SLC25A18: variants seen among roughly 807,000 people sequenced by gnomAD.
SLC25A18 encodes the protein solute carrier family 25 member 18, also known as mitochondrial glutamate carrier 2.
A neutral mutation model predicts 31.1 loss-of-function variants in SLC25A18; 24 were observed. The observed-to-expected ratio is 0.77, with a 90% CI of 0.56 to 1.08. The LOEUF is 1.08. SLC25A18 is among the 50% of genes least tolerant of loss of function. The pLI is 0.00. For missense variants in SLC25A18, 371 were observed against 418.5 expected (o/e 0.89, Z 0.99); for synonymous variants, 173 against 161.9 (o/e 1.07, Z -0.52).
intron 2 of SLC25A18, among the ~76,000 whole-genome samples, chr22:17,578,964 A>G (rs1323868381): frequency 6.6e-6 from 1 of 152,218 alleles, no homozygotes; most frequent in Non-Finnish European, 1.5e-5. Flanking sequence ...CTTGTCAATT[A>G]GGAATATAAT....
At chr22:17,566,576 T>C (rs2056943024) in intron 1 of SLC25A18, among the ~76,000 whole-genome samples, 1 of 151,964 alleles carries the variant, frequency 6.6e-6, no homozygotes, top group Non-Finnish European at 1.5e-5. Context: ...CCATGCCCAG[T>C]TAATTTTGTA....
At chr22:17,587,010 G>T in intron 7 of SLC25A18, 126 bp from the exon 8 acceptor site, 3 of 1,056,354 alleles carry the variant, frequency 2.8e-6, no homozygotes, top group Non-Finnish European at 4.1e-6. Flanking sequence ...CATTCTTCTG[G>T]ATGCCAGCTG....
intron 1 of SLC25A18, among the ~76,000 whole-genome samples, chr22:17,564,988 G>C (rs192554479): frequency 6.6e-6 from 1 of 152,088 alleles, no homozygotes; most frequent in Admixed American, 6.5e-5. Flanking sequence ...TGGGTGGATC[G>C]CTTGAGCCCA....
chr22:17,589,499 G>A (rs2057654887), intron 9 of SLC25A18, 91 bp from the exon 10 acceptor site: 1 of 1,141,488 alleles, frequency 8.8e-7, no homozygotes, highest in East Asian at 2.6e-5. Context: ...TATATGTGGT[G>A]GCTCTACAGG....
rs992070197 is a variant in SLC25A18 at position 17,563,557 on chromosome 22, G to T, written c.-420G>T. 2 of 513,268 alleles carry T rather than the reference G, an allele frequency of 3.9e-6. No individual in the cohort carries two copies. Among genetic ancestry groups the T allele is most frequent in the African/African-American group, 4.2e-5 (2 of 48,080 alleles). The allele number at this position is 513,268 out of a possible 1,614,324, so 31.8% of individuals were successfully genotyped here. On this transcript the variant is annotated 5_prime_UTR_variant, in exon 1 of 11. Transcript: ENST00000327451. ...TATTCTAGCCAGTTAAAGCTGGACA[G>T]AATTTTTAAAAGCAATGAAGCCAGT... is the stretch of plus-strand genomic sequence containing the variant.
At position 17,566,525 on chromosome 22, in the gene SLC25A18, G is replaced by A. The variant is rs1218294291; in HGVS notation, c.-264+2812G>A. On this transcript the variant is annotated intron_variant, in intron 1 of 10. Transcript: ENST00000327451. The stretch of plus-strand genomic sequence containing the variant: ...CCTCACGGGTTCAAGCGGTTCTCCC[G>A]CTTAAGCCTTCCAAATAGCTGGGAT... 5.3e-5 allele frequency among the ~76,000 whole-genome samples: 8 copies of A among 151,870 alleles called. No individual in the cohort carries two copies. The South Asian group carries it at 6.2e-4, about 12-fold the overall frequency.
intron 2 of SLC25A18, among the ~76,000 whole-genome samples, chr22:17,579,210 C>T (rs57334802): frequency 0.086 from 13,113 of 151,904 alleles, 1,391 homozygotes; most frequent in African/African-American, 0.25. Flanking sequence ...TACCTCAGCC[C>T]CCCAGGTAGC....
At chr22:17,575,462 T>C (rs1470952740) in intron 2 of SLC25A18, among the ~76,000 whole-genome samples, 1 of 152,132 alleles carries the variant, frequency 6.6e-6, no homozygotes, top group Admixed American at 6.5e-5. Context: ...CGGGTCTGCT[T>C]TATTTATCTC....
chr22:17,578,994 A>G (rs2057301960), intron 2 of SLC25A18, among the ~76,000 whole-genome samples: 1 of 152,244 alleles, frequency 6.6e-6, no homozygotes, highest in African/African-American at 2.4e-5. Context: ...TTTCTCAACA[A>G]GATCACATGA....
intron 6 of SLC25A18, 134 bp from the exon 7 acceptor site, chr22:17,583,282 C>G (rs2057430836): frequency 9.3e-7 from 1 of 1,076,786 alleles, no homozygotes; most frequent in East Asian, 2.4e-5. Flanking sequence ...TAAGGGCTAG[C>G]TGATGACTTG....
intron 7 of SLC25A18, among the ~76,000 whole-genome samples, chr22:17,585,957 CACA>C (rs1411925930): frequency 6.6e-6 from 1 of 151,954 alleles, no homozygotes; most frequent in Non-Finnish European, 1.5e-5. Context: ...CCGGCCACCT[CACA>C]ACATTTTAAA....
chr22:17,567,053 T>C (rs1332587214), intron 1 of SLC25A18, among the ~76,000 whole-genome samples: 1 of 152,148 alleles, frequency 6.6e-6, no homozygotes, highest in Non-Finnish European at 1.5e-5. Context: ...TCGCAGCTAC[T>C]TGGGAGGCTG....
At position 17,579,761 on chromosome 22, in the gene SLC25A18, C is replaced by T. The variant is rs2057324344; in HGVS notation, c.-184C>T. The stretch of plus-strand genomic sequence containing the variant: ...ACTTTGCAGGGGAGGAAGCCGCAGC[C>T]CAAGGAGGTCGTCACTTGCCGGGAA... On this transcript the variant is annotated 5_prime_UTR_variant, in exon 3 of 11. Coordinates refer to ENST00000327451, the MANE Select transcript of SLC25A18 (RefSeq NM_031481.3). 7.1e-7 allele frequency: 1 copy of T among 1,405,348 alleles called. No individual in the cohort carries two copies. Among genetic ancestry groups the T allele is most frequent in the African/African-American group, 1.4e-5 (1 of 69,078 alleles). The allele number at this position is 1,405,348 out of a possible 1,614,324, so 87.1% of individuals were successfully genotyped here. A position where few individuals can be genotyped will look rare whatever the true frequency, so the allele number is the denominator to read the frequency against.
At chr22:17,564,549 T>TA (rs764257790) in intron 1 of SLC25A18, among the ~76,000 whole-genome samples, 7 of 151,866 alleles carry the variant, frequency 4.6e-5, no homozygotes, top group Non-Finnish European at 7.4e-5. Context: ...TTATATAAAG[T>TA]AAAAAAAATT....
At chr22:17,587,112 T>C (rs1164193056) in intron 7 of SLC25A18, 24 bp from the exon 8 acceptor site, 7 of 1,611,202 alleles carry the variant, frequency 4.3e-6, no homozygotes, top group Non-Finnish European at 5.9e-6. Flanking sequence ...GACCAGGTAC[T>C]GATGTCTGTC....
At chr22:17,570,547 T>C (rs1267341927) in intron 2 of SLC25A18, among the ~76,000 whole-genome samples, 1 of 152,206 alleles carries the variant, frequency 6.6e-6, no homozygotes, top group Non-Finnish European at 1.5e-5. Context: ...TGCTGTGGCA[T>C]GATGGCGGCT....
chr22:17,570,350 AAATG>A (rs1402471209), intron 2 of SLC25A18: 2 of 152,292 alleles, frequency 1.3e-5, no homozygotes, highest in African/African-American at 4.8e-5. Context: ...CAGTGGGAAT[AAATG>A]AGCACAGCTC....
At chr22:17,576,525 C>T (rs2057234220) in intron 2 of SLC25A18, among the ~76,000 whole-genome samples, 1 of 152,156 alleles carries the variant, frequency 6.6e-6, no homozygotes, top group African/African-American at 2.4e-5. Flanking sequence ...GTGACTAACA[C>T]TTAGGCTTGT....
intron 2 of SLC25A18, among the ~76,000 whole-genome samples, chr22:17,572,058 G>A (rs907324098): frequency 4.6e-5 from 7 of 151,144 alleles, no homozygotes; most frequent in South Asian, 2.1e-4. Context: ...GTGGTGGTGC[G>A]TGCCTGTAAT....
Sources: gnomAD v4.1 joint callset for allele counts (sites outside exome capture counted in the v4.1 genomes callset) on GRCh38, gnomAD v4.1.1 for gene constraint, MANE v1.5 for transcripts, NCBI Gene and HGNC (gene_info 2026-07-23, HGNC 2026-07-21) for gene names.